CSMD1: variants seen among roughly 807,000 people sequenced by gnomAD.
The protein encoded by CSMD1 is CUB and Sushi multiple domains 1.
A neutral mutation model predicts 417.5 loss-of-function variants in CSMD1; 213 were observed. The observed-to-expected ratio is 0.51, with a 90% CI of 0.46 to 0.57. The LOEUF (loss-of-function observed/expected upper bound fraction) is 0.57, where lower values mean the gene tolerates loss of function less well. Ranked by LOEUF, CSMD1 falls within the 20% of genes least tolerant of loss-of-function variation. The probability of loss-of-function intolerance (pLI) is 0.00; values close to 1 mark genes in which losing one functional copy is unlikely to be tolerated. For missense variants in CSMD1, 6,923 were observed against 4,529.7 expected (o/e 1.53, Z -15.17); for synonymous variants, 2,862 against 1,736.8 (o/e 1.65, Z -16.11).
intron 48 of CSMD1, among the ~76,000 whole-genome samples, chr8:3,087,744 G>C (rs1019718036): frequency 7.9e-5 from 12 of 152,228 alleles, no homozygotes; most frequent in Non-Finnish European, 1.8e-4. Context: ...GCAGCCCACA[G>C]GCTGCAGGTT....
rs954709843 is a variant in CSMD1, at chr8:3,113,555, C to T, written c.6431-3220G>A. Among the ~76,000 whole-genome samples the T allele has an allele frequency of 1.2e-4, 19 of 152,370 alleles. 1 individual carries two copies. The highest frequency in any genetic ancestry group is 6.8e-3 in the Middle Eastern group (2 of 294). ...GCGGTGATGTCTAACTTGAATGTCA[C>T]GCCCAATGGGAAACATGCCCAGGTA... On this transcript the variant is annotated intron_variant, in intron 42 of 69. Coordinates refer to ENST00000635120, the MANE Select transcript of CSMD1 (RefSeq NM_033225.6).
At chr8:4,417,395 G>A (rs1797003664) in intron 3 of CSMD1, among the ~76,000 whole-genome samples, 1 of 151,874 alleles carries the variant, frequency 6.6e-6, no homozygotes, top group Admixed American at 6.6e-5. Context: ...TTATTCCCAA[G>A]GTTATCATGT....
intron 3 of CSMD1, among the ~76,000 whole-genome samples, chr8:4,222,197 A>G (rs1202075915): frequency 6.6e-6 from 1 of 152,100 alleles, no homozygotes; most frequent in Admixed American, 6.5e-5. Context: ...CACAAGCTCT[A>G]CCAGATAATT....
rs374962679 is a variant in CSMD1 at position 4,403,597 on chromosome 8, T to A, written c.415+16356A>T. 2.0e-4 allele frequency among the ~76,000 whole-genome samples: 31 copies of A among 152,224 alleles called. No individual in the cohort carries two copies. The South Asian group carries it at 6.2e-3, about 31-fold the overall frequency. On this transcript the variant is annotated intron_variant, in intron 3 of 69. Coordinates refer to ENST00000635120, the MANE Select transcript of CSMD1 (RefSeq NM_033225.6). ...AGTTGACTTCTAGGACAGTACACAC[T>A]CCTAAGAACTCCCCCTTTTCACCAT...
chr8:4,389,484 G>C (rs1219135566), intron 3 of CSMD1, among the ~76,000 whole-genome samples: 1 of 151,738 alleles, frequency 6.6e-6, no homozygotes, highest in Non-Finnish European at 1.5e-5. Context: ...TTTTTTCTCA[G>C]AAATGTAAAA....
In CSMD1 at chr8:4,757,610, T is replaced by A. The variant is rs138255491; in HGVS notation, c.86-120052A>T. Among the ~76,000 whole-genome samples, 19 of 152,288 alleles carry A rather than the reference T, an allele frequency of 1.2e-4. No individual in the cohort carries two copies. The South Asian group carries it at 2.5e-3, about 20-fold the overall frequency. On this transcript the variant is annotated intron_variant, in intron 1 of 69. Transcript: ENST00000635120. ...CTACAGGAGACATATCTCTACCAAG[T>A]TGGATTATGTGCTCTCTTCAGCTTT... is the stretch of plus-strand genomic sequence containing the variant.
intron 5 of CSMD1, among the ~76,000 whole-genome samples, chr8:3,912,410 T>A (rs571707541): frequency 4.6e-5 from 7 of 152,178 alleles, no homozygotes; most frequent in Admixed American, 3.9e-4. Context: ...CAGGGACAAA[T>A]AGGGTGGGAC....
chr8:4,503,294 G>A (rs1429353854), intron 2 of CSMD1, among the ~76,000 whole-genome samples: 1 of 152,124 alleles, frequency 6.6e-6, no homozygotes, highest in African/African-American at 2.4e-5. Context: ...AGAAGGTGTT[G>A]AAGTATTTGC....
chr8:4,378,777 G>A (rs568291779), intron 3 of CSMD1, among the ~76,000 whole-genome samples: 1 of 152,082 alleles, frequency 6.6e-6, no homozygotes, highest in South Asian at 2.1e-4. Flanking sequence ...CTCATGAATG[G>A]GATTACTGCC....
At chr8:4,764,278 G>T (rs374201787) in intron 1 of CSMD1, among the ~76,000 whole-genome samples, 2 of 152,176 alleles carry the variant, frequency 1.3e-5, no homozygotes, top group East Asian at 1.9e-4. Flanking sequence ...AATATTGGGG[G>T]TAGAGGTGAG....
intron 23 of CSMD1, among the ~76,000 whole-genome samples, chr8:3,316,395 A>G (rs774515019): frequency 1.3e-5 from 2 of 152,230 alleles, no homozygotes; most frequent in Non-Finnish European, 2.9e-5. Context: ...AACGGCTCCT[A>G]TCTTCCCCTG....
chr8:4,589,281 G>T (rs373031701), intron 2 of CSMD1, among the ~76,000 whole-genome samples: 1 of 152,148 alleles, frequency 6.6e-6, no homozygotes, highest in Non-Finnish European at 1.5e-5. Context: ...TTTTGCCTCT[G>T]CATATATTAT....
At chr8:4,700,132 A>AT (rs1563169391) in intron 1 of CSMD1, among the ~76,000 whole-genome samples, 1 of 152,114 alleles carries the variant, frequency 6.6e-6, no homozygotes, top group Admixed American at 6.6e-5. Context: ...TTTTTGTTTA[A>AT]TTTTTATTTT....
rs77737386 is a variant in CSMD1, at chr8:4,075,463, A to T, written c.416-43364T>A. Among the ~76,000 whole-genome samples, 599 of 152,272 alleles carry T rather than the reference A, an allele frequency of 3.9e-3. 15 individuals carry two copies. In the East Asian group the frequency reaches 0.06, roughly 15 times the overall value. On this transcript the variant is annotated intron_variant, in intron 3 of 69. Coordinates refer to ENST00000635120, the MANE Select transcript of CSMD1 (RefSeq NM_033225.6). ...TACTAATGTAAATGTTTTCTGTCCA[A>T]ATCTCTTGTTACAGGTAAAATAAAG... is the stretch of plus-strand genomic sequence containing the variant.
intron 1 of CSMD1, among the ~76,000 whole-genome samples, chr8:4,656,476 A>C (rs1377702802): frequency 1.3e-5 from 2 of 152,048 alleles, no homozygotes; most frequent in Non-Finnish European, 2.9e-5. Context: ...TGATAAGAAC[A>C]TTTACGGACC....
At chr8:4,399,527 C>G (rs1413761398) in intron 3 of CSMD1, among the ~76,000 whole-genome samples, 1 of 152,100 alleles carries the variant, frequency 6.6e-6, no homozygotes, top group Admixed American at 6.6e-5. Context: ...AAGAAACTTT[C>G]CTCTCTGAAT....
At chr8:4,215,902 C>A (rs938333265) in intron 3 of CSMD1, among the ~76,000 whole-genome samples, 4 of 152,120 alleles carry the variant, frequency 2.6e-5, no homozygotes, top group African/African-American at 9.7e-5. Flanking sequence ...AAAAATTAAA[C>A]AAGAACAAAG....
intron 8 of CSMD1, among the ~76,000 whole-genome samples, chr8:3,606,917 G>T (rs1456963831): frequency 6.6e-6 from 1 of 151,822 alleles, no homozygotes; most frequent in African/African-American, 2.4e-5. Flanking sequence ...TCACCATGTT[G>T]GCCAGGATGG....
chr8:3,951,327 C>G (rs186704296), intron 5 of CSMD1, among the ~76,000 whole-genome samples: 10 of 152,162 alleles, frequency 6.6e-5, no homozygotes, highest in Non-Finnish European at 8.8e-5. Context: ...GTTTTAAGCA[C>G]CAGCCCAGTG....
Sources: gnomAD v4.1 joint callset for allele counts (sites outside exome capture counted in the v4.1 genomes callset) on GRCh38, gnomAD v4.1.1 for gene constraint, MANE v1.5 for transcripts, NCBI Gene and HGNC (gene_info 2026-07-23, HGNC 2026-07-21) for gene names.